The following EYA1 variants were observed in gnomAD, a reference collection of about 807,000 sequenced individuals.
EYA1 encodes protein phosphatase EYA1.
Under a neutral mutation model 82.0 loss-of-function variants are expected in EYA1, and 16 were observed. That is an observed-to-expected ratio of 0.20 (90% CI 0.13 to 0.30). The LOEUF is 0.30. EYA1 is among the 10% of genes least tolerant of loss of function. The probability of loss-of-function intolerance (pLI) is 1.00; values close to 1 mark genes in which losing one functional copy is unlikely to be tolerated. For synonymous variants in EYA1, 261 were observed against 264.4 expected (o/e 0.99, Z 0.12); for missense variants, 633 against 730.7 (o/e 0.87, Z 1.54).
intron 2 of EYA1, among the ~76,000 whole-genome samples, chr8:71,417,304 AGC>A (rs1481635788): frequency 6.6e-6 from 1 of 152,178 alleles, no homozygotes; most frequent in African/African-American, 2.4e-5. Flanking sequence ...TTATATCGTT[AGC>A]CCAGTAGTCC....
At chr8:71,255,981 G>A (rs1175603795) in intron 11 of EYA1, among the ~76,000 whole-genome samples, 2 of 152,088 alleles carry the variant, frequency 1.3e-5, no homozygotes, top group Non-Finnish European at 2.9e-5. Context: ...TGAGGGAAAT[G>A]TGAACCCAAA....
intron 2 of EYA1, among the ~76,000 whole-genome samples, chr8:71,517,001 C>T (rs906726342): frequency 2.0e-5 from 3 of 152,090 alleles, no homozygotes; most frequent in African/African-American, 7.2e-5. Flanking sequence ...ACAAAGAAAC[C>T]TGGAATTGTC....
chr8:71,396,165 A>C (rs1829600034), intron 2 of EYA1, among the ~76,000 whole-genome samples: 1 of 151,800 alleles, frequency 6.6e-6, no homozygotes, highest in East Asian at 1.9e-4. Context: ...TATTGTGTCT[A>C]TTTGATTCTT....
At chr8:71,426,653 T>G (rs1218691211) in intron 2 of EYA1, among the ~76,000 whole-genome samples, 1 of 152,212 alleles carries the variant, frequency 6.6e-6, no homozygotes, top group Non-Finnish European at 1.5e-5. Flanking sequence ...AATATTTAAA[T>G]CACCAGGTTT....
intron 11 of EYA1, among the ~76,000 whole-genome samples, chr8:71,265,807 C>G (rs551215095): frequency 6.6e-6 from 1 of 152,314 alleles, no homozygotes; most frequent in South Asian, 2.1e-4. Context: ...AGGTCAGATA[C>G]TATTTAAAAC....
chr8:71,200,524 T>C (rs1806842259), intron 17 of EYA1, among the ~76,000 whole-genome samples: 1 of 152,182 alleles, frequency 6.6e-6, no homozygotes, highest in Admixed American at 6.5e-5. Flanking sequence ...TATGTAGACC[T>C]TTCTGGACTC....
At chr8:71,286,098 T>C (rs1280668596) in intron 9 of EYA1, among the ~76,000 whole-genome samples, 4 of 152,216 alleles carry the variant, frequency 2.6e-5, no homozygotes, top group East Asian at 3.8e-4. Context: ...CTATGGCTCA[T>C]GGTGTGCATG....
intron 2 of EYA1, among the ~76,000 whole-genome samples, chr8:71,445,777 T>G (rs1029596454): frequency 6.6e-6 from 1 of 152,204 alleles, no homozygotes; most frequent in African/African-American, 2.4e-5. Flanking sequence ...TAGCTGGGAC[T>G]ACAGGCACCC....
rs1822639017 is a variant in EYA1, at chr8:71,322,180, A to T, written c.272+19T>A. 1.9e-6 allele frequency: 3 copies of T among 1,597,420 alleles called. No individual in the cohort carries two copies. ...TACTCAGAGAAGTTATTTATTGATT[A>T]AGAGAAAATACATCTTACTTGGAAG... On this transcript the variant is annotated intron_variant, in intron 5 of 17. Transcript: ENST00000340726.
At chr8:71,322,599 G>A (rs1822703473) in intron 4 of EYA1, 1 of 339,606 alleles carries the variant, frequency 2.9e-6, no homozygotes, top group Admixed American at 4.2e-5. Flanking sequence ...CTACTGTTTG[G>A]AAAGCTGTGC....
chr8:71,319,249 GC>G (rs1822261619), intron 6 of EYA1, among the ~76,000 whole-genome samples: 2 of 151,714 alleles, frequency 1.3e-5, no homozygotes, highest in African/African-American at 4.8e-5. Context: ...TCCTGCCTCA[GC>G]CTCCCAAGTA....
intron 17 of EYA1, among the ~76,000 whole-genome samples, chr8:71,205,781 T>C (rs1433218570): frequency 6.6e-6 from 1 of 152,102 alleles, no homozygotes; most frequent in Non-Finnish European, 1.5e-5. Context: ...AAAGTAACAA[T>C]CTCTAGCAAA....
rs182876074 is a variant in EYA1 at position 71,212,357 on chromosome 8, A to G, written c.1598-1101T>C. Among the ~76,000 whole-genome samples, 237 of 152,370 alleles carry G rather than the reference A, an allele frequency of 1.6e-3. 1 individual carries two copies. Among genetic ancestry groups the G allele is most frequent in the African/African-American group, 5.1e-3 (214 of 41,592 alleles). Reference sequence around the variant, plus strand: ...TCTTTAGTTGTCCACTAAACTGTGAAATATTAAATCACTTTAAGAAGCAAA... The same window carrying G: ...TCTTTAGTTGTCCACTAAACTGTGAGATATTAAATCACTTTAAGAAGCAAA... On this transcript the variant is annotated intron_variant, in intron 16 of 17. Coordinates refer to ENST00000340726, the MANE Select transcript of EYA1 (RefSeq NM_000503.6).
chr8:71,292,036 C>T (rs886735292), intron 9 of EYA1, among the ~76,000 whole-genome samples: 1 of 152,014 alleles, frequency 6.6e-6, no homozygotes, highest in Admixed American at 6.6e-5. Context: ...TTTGATTATA[C>T]ACATGAATCA....
At chr8:71,495,089 A>G (rs1350142253) in intron 2 of EYA1, among the ~76,000 whole-genome samples, 1 of 152,220 alleles carries the variant, frequency 6.6e-6, no homozygotes, top group Non-Finnish European at 1.5e-5. Flanking sequence ...ACTTTAAAAA[A>G]AAAGAAAGAA....
intron 2 of EYA1, among the ~76,000 whole-genome samples, chr8:71,439,155 G>T (rs1048998625): frequency 5.9e-5 from 9 of 152,156 alleles, no homozygotes; most frequent in African/African-American, 2.2e-4. Context: ...ATCTCAGAAA[G>T]GTTAAAACCT....
At chr8:71,346,464 A>ATATATATATATT (rs1825755122) in intron 3 of EYA1, among the ~76,000 whole-genome samples, 5 of 144,618 alleles carry the variant, frequency 3.5e-5, no homozygotes, top group African/African-American at 7.6e-5. Flanking sequence ...ATCTATATAT[A>ATATATATATATT]TCCTTCTCCC....
At chr8:71,294,233 G>A (rs1000738029) in intron 9 of EYA1, among the ~76,000 whole-genome samples, 2 of 152,172 alleles carry the variant, frequency 1.3e-5, no homozygotes, top group Admixed American at 6.5e-5. Flanking sequence ...GCCGAGGCGG[G>A]TGGATCACGA....
chr8:71,516,491 G>A (rs1812982974), intron 2 of EYA1, among the ~76,000 whole-genome samples: 1 of 152,188 alleles, frequency 6.6e-6, no homozygotes, highest in Non-Finnish European at 1.5e-5. Context: ...CAGTATATAT[G>A]CAGCCAAAGA....
Sources: gnomAD v4.1 joint callset for allele counts (sites outside exome capture counted in the v4.1 genomes callset) on GRCh38, gnomAD v4.1.1 for gene constraint, MANE v1.5 for transcripts, NCBI Gene and HGNC (gene_info 2026-07-23, HGNC 2026-07-21) for gene names.